MBNL1: variants seen among roughly 807,000 people sequenced by gnomAD.
MBNL1 encodes muscleblind-like protein 1.
A neutral mutation model predicts 42.2 loss-of-function variants in MBNL1; 8 were observed. That is an observed-to-expected ratio of 0.19 (90% CI 0.11 to 0.34). The LOEUF (loss-of-function observed/expected upper bound fraction) is 0.34. Ranked by LOEUF, MBNL1 falls within the 10% of genes least tolerant of loss-of-function variation. The pLI is 1.00. For missense variants in MBNL1, 309 were observed against 495.3 expected (o/e 0.62, Z 3.57); for synonymous variants, 169 against 173.9 (o/e 0.97, Z 0.22).
rs566031893 is a variant in MBNL1 at position 152,366,175 on chromosome 3, T to C, written c.175-48766T>C. Among the ~76,000 whole-genome samples the C allele has an allele frequency of 1.8e-4, 27 of 152,286 alleles. No homozygotes were observed. The South Asian group carries it at 1.9e-3, about 11-fold the overall frequency. On this transcript the variant is annotated intron_variant, in intron 2 of 9. Coordinates refer to ENST00000324210, the MANE Select transcript of MBNL1 (RefSeq NM_021038.5). ...ACAGTGTAGCTAAAAAGTTGTTAAC[T>C]AGGCTGGTAATCATAGCCCGAGGGT...
intron 2 of MBNL1, among the ~76,000 whole-genome samples, chr3:152,302,900 C>T (rs1297635264): frequency 6.6e-6 from 1 of 152,068 alleles, no homozygotes; most frequent in African/African-American, 2.4e-5. Flanking sequence ...ACCAAATACT[C>T]TCTGAGAGGA....
chr3:152,407,252 AC>A (rs1560473876), intron 2 of MBNL1, among the ~76,000 whole-genome samples: 2 of 112,034 alleles, frequency 1.8e-5, no homozygotes, highest in African/African-American at 6.8e-5. Context: ...TTTCACTGGT[AC>A]GAAAAAAATC....
chr3:152,395,193 A>T (rs2097878496), intron 2 of MBNL1, among the ~76,000 whole-genome samples: 1 of 152,182 alleles, frequency 6.6e-6, no homozygotes, highest in Admixed American at 6.5e-5. Flanking sequence ...TTCACAGTCT[A>T]TAAAACAAAA....
chr3:152,332,537 C>G (rs2085457214), intron 2 of MBNL1, among the ~76,000 whole-genome samples: 1 of 152,156 alleles, frequency 6.6e-6, no homozygotes, highest in African/African-American at 2.4e-5. Context: ...CTGTAAATGA[C>G]ACACCACCTC....
intron 3 of MBNL1, among the ~76,000 whole-genome samples, chr3:152,419,186 C>CT (rs994926942): frequency 1.9e-4 from 28 of 148,716 alleles, no homozygotes; most frequent in South Asian, 4.3e-4. Context: ...GCAAAATGAT[C>CT]TTTTTTTTTT....
At chr3:152,407,008 TTC>T (rs2098445322) in intron 2 of MBNL1, among the ~76,000 whole-genome samples, 1 of 151,922 alleles carries the variant, frequency 6.6e-6, no homozygotes, top group South Asian at 2.1e-4. Context: ...GTGTGTATTT[TTC>T]TTTCTTTTAT....
chr3:152,443,482 G>GCACACACACACACACACACA (rs1345409667), intron 4 of MBNL1, among the ~76,000 whole-genome samples: 2 of 28,264 alleles, frequency 7.1e-5, no homozygotes, highest in East Asian at 3.7e-3. Flanking sequence ...TATATATTTA[G>GCACACACACACACACACACA]CATACACACA....
intron 1 of MBNL1, chr3:152,269,420 G>GTAC (rs1310806756): frequency 2.4e-6 from 1 of 421,946 alleles, no homozygotes. Context: ...GCGTGCAAGT[G>GTAC]TACTCACAAC....
chr3:152,254,510 G>A (rs2035160776), intron 2 of MBNL1, among the ~76,000 whole-genome samples: 1 of 151,882 alleles, frequency 6.6e-6, no homozygotes, highest in African/African-American at 2.4e-5. Context: ...TTCCTGATTA[G>A]CCATCTGCCT....
intron 2 of MBNL1, among the ~76,000 whole-genome samples, chr3:152,251,539 G>T (rs558646750): frequency 3.3e-5 from 5 of 151,914 alleles, no homozygotes; most frequent in East Asian, 1.9e-4. Context: ...GAACATTTCC[G>T]TATCATTTCT....
chr3:152,250,025 T>C (rs913372187), intron 2 of MBNL1, among the ~76,000 whole-genome samples: 2 of 150,544 alleles, frequency 1.3e-5, no homozygotes, highest in African/African-American at 2.4e-5. Flanking sequence ...ACTGTAGCCT[T>C]GTAGTATAGT....
intron 2 of MBNL1, among the ~76,000 whole-genome samples, chr3:152,362,362 A>G (rs540495635): frequency 1.3e-5 from 2 of 152,308 alleles, no homozygotes; most frequent in South Asian, 4.1e-4. Flanking sequence ...GCAGATGTCA[A>G]AAGTCATATG....
At chr3:152,451,453 C>A (rs957613011) in intron 6 of MBNL1, among the ~76,000 whole-genome samples, 1 of 152,126 alleles carries the variant, frequency 6.6e-6, no homozygotes, top group African/African-American at 2.4e-5. Context: ...CTCCCTTCCT[C>A]TGTCCTTCAG....
chr3:152,275,308 A>T (rs577286759), intron 1 of MBNL1, among the ~76,000 whole-genome samples: 1 of 152,150 alleles, frequency 6.6e-6, no homozygotes, highest in South Asian at 2.1e-4. Context: ...CCCCTATCAA[A>T]GGCCCCCTTA....
intron 2 of MBNL1, among the ~76,000 whole-genome samples, chr3:152,315,078 G>T (rs1297225390): frequency 6.6e-6 from 1 of 152,178 alleles, no homozygotes; most frequent in Admixed American, 6.5e-5. Flanking sequence ...TGTTCAAAGG[G>T]GATGCTTGTA....
At chr3:152,245,300 C>T (rs1432844927) in intron 2 of MBNL1, among the ~76,000 whole-genome samples, 1 of 152,048 alleles carries the variant, frequency 6.6e-6, no homozygotes, top group Non-Finnish European at 1.5e-5. Flanking sequence ...TTTAAATCTT[C>T]CTTTTAAAAG....
At position 152,298,080 on chromosome 3, in the gene MBNL1, T is replaced by C. The variant is rs533880324; in HGVS notation, c.-789-1325T>C. Among the ~76,000 whole-genome samples, 5 of 152,324 alleles carry C rather than the reference T, an allele frequency of 3.3e-5. No individual in the cohort carries two copies. In the East Asian group the frequency reaches 9.6e-4, roughly 29 times the overall value. On this transcript the variant is annotated intron_variant, in intron 1 of 9. Transcript: ENST00000324210. ...TATTAATCTTAAACAATTTAAGTTCTAGATGTTCGTGTTTTTTAATGTACG... is the reference window on the plus strand; with the variant it reads ...TATTAATCTTAAACAATTTAAGTTCCAGATGTTCGTGTTTTTTAATGTACG...
chr3:152,338,178 G>A (rs2091752554), intron 2 of MBNL1: 1 of 985,220 alleles, frequency 1.0e-6, no homozygotes, highest in Non-Finnish European at 1.2e-6. Context: ...TGCTAGAATG[G>A]CCTATCTCCA....
chr3:152,404,527 A>G (rs978417266), intron 2 of MBNL1, among the ~76,000 whole-genome samples: 2 of 152,106 alleles, frequency 1.3e-5, no homozygotes, highest in Non-Finnish European at 2.9e-5. Context: ...ATACTAAGTA[A>G]TGATGTTATT....
Sources: allele counts gnomAD v4.1 joint callset (sites outside exome capture counted in the v4.1 genomes callset), GRCh38; gene constraint gnomAD v4.1.1; transcripts MANE v1.5; gene names NCBI Gene and HGNC (gene_info 2026-07-23, HGNC 2026-07-21).